ITPR2: variants seen among roughly 807,000 people sequenced by gnomAD.
ITPR2 encodes the protein inositol 1,4,5-trisphosphate receptor type 2.
ITPR2 carries 207 observed loss-of-function variants against 317.1 expected under a neutral mutation model. The observed-to-expected ratio is 0.65, with a 90% CI of 0.58 to 0.73. ITPR2 has a LOEUF of 0.73. Ranked by LOEUF, ITPR2 falls within the 30% of genes least tolerant of loss-of-function variation. The pLI is 0.00. For missense variants in ITPR2, 2,613 were observed against 3,284.0 expected, an observed-to-expected ratio of 0.80 and a Z score of 4.99; for synonymous variants, 1,156 against 1,149.1, an observed-to-expected ratio of 1.01 and a Z score of -0.12.
At chr12:26,452,685 G>A (rs1260603224) in intron 45 of ITPR2, among the ~76,000 whole-genome samples, 2 of 152,174 alleles carry the variant, frequency 1.3e-5, no homozygotes, top group Non-Finnish European at 2.9e-5. Flanking sequence ...TTGGTATCTT[G>A]AGAGCAGGTT....
intron 11 of ITPR2, among the ~76,000 whole-genome samples, chr12:26,684,819 T>A (rs994750693): frequency 6.6e-6 from 1 of 151,970 alleles, no homozygotes; most frequent in African/African-American, 2.4e-5. Context: ...CTGACTTAAA[T>A]CTAAAATAAG....
chr12:26,823,937 A>G (rs531672298), intron 1 of ITPR2, among the ~76,000 whole-genome samples: 1 of 152,362 alleles, frequency 6.6e-6, no homozygotes, highest in South Asian at 2.1e-4. Context: ...TGAACAAGTC[A>G]GCCATGCTAA....
chr12:26,605,349 A>T (rs925920054), intron 26 of ITPR2, among the ~76,000 whole-genome samples: 2 of 151,532 alleles, frequency 1.3e-5, no homozygotes, highest in Non-Finnish European at 2.9e-5. Context: ...CCTTTTTCTG[A>T]TCACAAAGGT....
chr12:26,539,649 G>A (rs1347176241), intron 37 of ITPR2, among the ~76,000 whole-genome samples: 1 of 152,138 alleles, frequency 6.6e-6, no homozygotes, highest in Non-Finnish European at 1.5e-5. Flanking sequence ...CACAGTGTCT[G>A]GGATCCTCTT....
At chr12:26,789,934 T>C (rs1950315083) in intron 2 of ITPR2, among the ~76,000 whole-genome samples, 1 of 152,232 alleles carries the variant, frequency 6.6e-6, no homozygotes, top group South Asian at 2.1e-4. Flanking sequence ...TTTTAACAGA[T>C]AGACCATTGT....
intron 45 of ITPR2, among the ~76,000 whole-genome samples, chr12:26,467,896 A>G (rs1942205947): frequency 6.6e-6 from 1 of 152,124 alleles, no homozygotes; most frequent in Non-Finnish European, 1.5e-5. Context: ...AATCTATTCT[A>G]TAATACCCAG....
intron 55 of ITPR2, among the ~76,000 whole-genome samples, chr12:26,355,501 C>G (rs1030050706): frequency 6.6e-6 from 1 of 152,166 alleles, no homozygotes; most frequent in Non-Finnish European, 1.5e-5. Context: ...ATTGTGAGAG[C>G]ATGACTTTGA....
At chr12:26,734,775 G>C (rs1949088171) in intron 2 of ITPR2, among the ~76,000 whole-genome samples, 1 of 152,094 alleles carries the variant, frequency 6.6e-6, no homozygotes, top group Admixed American at 6.5e-5. Context: ...AACAAAATCA[G>C]TTTGTTATGC....
chr12:26,695,384 AC>A (rs1382940866), intron 10 of ITPR2, among the ~76,000 whole-genome samples: 1 of 152,136 alleles, frequency 6.6e-6, no homozygotes, highest in Non-Finnish European at 1.5e-5. Context: ...TTAGCACTCC[AC>A]CAACAATGGC....
chr12:26,629,671 TCTCCCTCCTTTC>T (rs1946703097), intron 22 of ITPR2, among the ~76,000 whole-genome samples: 3 of 151,896 alleles, frequency 2.0e-5, no homozygotes, highest in East Asian at 3.9e-4. Flanking sequence ...TCTGAATCAA[TCTCCCTCCTTTC>T]CTCCCTCCCT....
intron 26 of ITPR2, among the ~76,000 whole-genome samples, chr12:26,606,352 C>T (rs956180898): frequency 4.6e-5 from 7 of 152,136 alleles, no homozygotes; most frequent in South Asian, 2.1e-4. Flanking sequence ...TTTATTCCCC[C>T]TAATAGAATA....
Position 26,368,907 on chromosome 12 carries a change from G to A in ITPR2, c.7857+18527C>T, listed in dbSNP as rs374607523. ...GTCAGATTATGATAGCTGTTTTGGG[G>A]AAATGAAAAATCAGGGTAAGAGGAT... On this transcript the variant is annotated intron_variant, in intron 55 of 56. Coordinates refer to ENST00000381340, the MANE Select transcript of ITPR2 (RefSeq NM_002223.4). Among the ~76,000 whole-genome samples the A allele has an allele frequency of 3.3e-5, 5 of 152,292 alleles. No individual in the cohort carries two copies. The South Asian group carries it at 1.0e-3, about 32-fold the overall frequency.
Position 26,709,765 on chromosome 12 carries a change from A to G in ITPR2, c.951+1408T>C, listed in dbSNP as rs188898214. 3.3e-3 allele frequency among the ~76,000 whole-genome samples: 506 copies of G among 152,292 alleles called. 4 individuals carry two copies. The highest frequency in any genetic ancestry group is 0.011 in the African/African-American group (473 of 41,564). The stretch of plus-strand genomic sequence containing the variant: ...ATCTAGTTAGGCTTTTGTAATTTTT[A>G]TTTTAGACAAGATTCTCTACCTTAC... On this transcript the variant is annotated intron_variant, in intron 9 of 56. Coordinates refer to ENST00000381340, the MANE Select transcript of ITPR2 (RefSeq NM_002223.4).
rs1944660423 is a variant in ITPR2, at chr12:26,556,354, G to C, written c.4843C>G (p.His1615Asp). 1.2e-6 allele frequency: 2 copies of C among 1,613,488 alleles called. No individual in the cohort carries two copies. Among genetic ancestry groups the C allele is most frequent in the African/African-American group, 1.3e-5 (1 of 75,000 alleles). Residue 1615 changes from histidine (H) to aspartate (D), a missense_variant, in exon 36 of 57, where the codon CAC (histidine) becomes GAC (aspartate). Transcript: ENST00000381340. ...KLQDVVASLE[H>D]QFSPMMQAEF... ...GCCTGCATCATTGGGCTGAACTGGT[G>C]CTCCAAGGAGGCCACTACATCCTAG...
intron 32 of ITPR2, among the ~76,000 whole-genome samples, chr12:26,589,147 G>A (rs948684218): frequency 6.6e-6 from 1 of 152,152 alleles, no homozygotes; most frequent in South Asian, 2.1e-4. Flanking sequence ...CTTTCCATGG[G>A]TCTAATAGCA....
intron 9 of ITPR2, among the ~76,000 whole-genome samples, chr12:26,708,476 T>C (rs1948594796): frequency 6.6e-6 from 1 of 152,224 alleles, no homozygotes; most frequent in Admixed American, 6.5e-5. Context: ...GGACATTATG[T>C]TAAGTGAAAT....
rs370599538 is a variant in ITPR2, at chr12:26,556,566, T to TTTTGTG, written c.4822-192_4822-191insCACAAA. On this transcript the variant is annotated intron_variant, in intron 35 of 56. Transcript: ENST00000381340. ...ATTGCCTGGGTCTCTATTTTTTTTT[T>TTTTGTG]TGTGTGTGTGTGTGTGTGTGTGTGT... Among the ~76,000 whole-genome samples the TTTTGTG allele has an allele frequency of 5.7e-3, 774 of 136,236 alleles. 7 individuals carry two copies. Among genetic ancestry groups the TTTTGTG allele is most frequent in the Middle Eastern group, 0.022 (6 of 276 alleles). The allele number at this position is 136,236 out of a possible 152,430, so 89.4% of individuals were successfully genotyped here. A position where few individuals can be genotyped will look rare whatever the true frequency, so the allele number is the denominator to read the frequency against.
In ITPR2 at chr12:26,821,074, C is replaced by T. The variant is rs557610556; in HGVS notation, c.92+11616G>A. Among the ~76,000 whole-genome samples, 6 of 152,312 alleles carry T rather than the reference C, an allele frequency of 3.9e-5. No individual in the cohort carries two copies. The East Asian group carries it at 1.2e-3, about 29-fold the overall frequency. ...ATGCAGAGCAGTGATGGTTGCTCAA[C>T]ATTGTGAATGTCCTTAATATCACTG... On this transcript the variant is annotated intron_variant, in intron 1 of 56. Coordinates refer to ENST00000381340, the MANE Select transcript of ITPR2 (RefSeq NM_002223.4).
intron 32 of ITPR2, among the ~76,000 whole-genome samples, chr12:26,590,213 C>A (rs896032105): frequency 6.6e-6 from 1 of 152,020 alleles, no homozygotes; most frequent in Non-Finnish European, 1.5e-5. Context: ...AAGCCACAGG[C>A]AAAATTATGA....
Sources: allele counts gnomAD v4.1 joint callset (sites outside exome capture counted in the v4.1 genomes callset), GRCh38; gene constraint gnomAD v4.1.1; transcripts MANE v1.5; gene names NCBI Gene and HGNC (gene_info 2026-07-23, HGNC 2026-07-21).